The following KDM4C variants were observed in gnomAD, a reference collection of about 807,000 sequenced individuals.
The protein encoded by KDM4C is lysine-specific demethylase 4C.
A neutral mutation model predicts 129.3 loss-of-function variants in KDM4C; 81 were observed. That is an observed-to-expected ratio of 0.63 (90% CI 0.52 to 0.75). KDM4C has a LOEUF of 0.75. KDM4C is among the 30% of genes least tolerant of loss of function. KDM4C has a pLI of 0.00. For synonymous variants in KDM4C, 573 were observed against 456.1 expected, an observed-to-expected ratio of 1.26 and a Z score of -3.26; for missense variants, 1,457 against 1,304.0, an observed-to-expected ratio of 1.12 and a Z score of -1.81.
chr9:7,043,100 TTATC>T (rs1374119423), intron 15 of KDM4C, among the ~76,000 whole-genome samples: 7 of 152,072 alleles, frequency 4.6e-5, no homozygotes, highest in East Asian at 3.9e-4. Context: ...CTGAGTTTCT[TTATC>T]TATTAAGTGA....
chr9:6,853,438 A>G (rs1425551514), intron 5 of KDM4C, among the ~76,000 whole-genome samples: 1 of 152,182 alleles, frequency 6.6e-6, no homozygotes, highest in Non-Finnish European at 1.5e-5. Flanking sequence ...GGCTGCAGTG[A>G]TCCGAGGTGG....
chr9:7,030,169 T>G (rs1225647774), intron 15 of KDM4C, among the ~76,000 whole-genome samples: 2 of 152,224 alleles, frequency 1.3e-5, no homozygotes, highest in African/African-American at 4.8e-5. Flanking sequence ...TCCATTTTGC[T>G]TTAATTAGTT....
intron 18 of KDM4C, among the ~76,000 whole-genome samples, chr9:7,114,082 A>G (rs547067352): frequency 6.6e-6 from 1 of 152,322 alleles, no homozygotes; most frequent in South Asian, 2.1e-4. Context: ...AACTGGTTTA[A>G]TACCAGCAAT....
At chr9:6,738,086 T>G (rs901599601) in intron 1 of KDM4C, among the ~76,000 whole-genome samples, 1 of 150,862 alleles carries the variant, frequency 6.6e-6, no homozygotes. Flanking sequence ...GTGAGGGAGA[T>G]CACACCATTG....
At chr9:6,966,464 C>T (rs567721529) in intron 8 of KDM4C, among the ~76,000 whole-genome samples, 7 of 152,340 alleles carry the variant, frequency 4.6e-5, no homozygotes, top group African/African-American at 7.2e-5. Flanking sequence ...GCCACCGCGC[C>T]GGGCCTCACT....
chr9:6,944,386 C>A (rs965867649), intron 8 of KDM4C, among the ~76,000 whole-genome samples: 17 of 152,194 alleles, frequency 1.1e-4, no homozygotes, highest in African/African-American at 4.1e-4. Flanking sequence ...TGGAATGGCA[C>A]TTCCTTTTAA....
chr9:6,775,598 C>T (rs1057314833), intron 1 of KDM4C, among the ~76,000 whole-genome samples: 6 of 151,988 alleles, frequency 3.9e-5, no homozygotes, highest in African/African-American at 1.4e-4. Context: ...TCTCGGCTCA[C>T]TGCAACCTCC....
chr9:7,108,737 C>T (rs894428938), intron 18 of KDM4C, among the ~76,000 whole-genome samples: 24 of 152,150 alleles, frequency 1.6e-4, no homozygotes, highest in African/African-American at 5.8e-4. Context: ...ATGGAATGGG[C>T]TACCTCTCAT....
chr9:7,128,331 G>C, intron 19 of KDM4C, 95 bp downstream of exon 19: 2 of 902,424 alleles, frequency 2.2e-6, no homozygotes, highest in South Asian at 5.2e-5. Context: ...TTGGCTTTTT[G>C]AGTAGCTCAT....
chr9:7,093,638 C>G (rs1201229472), intron 17 of KDM4C, among the ~76,000 whole-genome samples: 1 of 152,052 alleles, frequency 6.6e-6, no homozygotes, highest in African/African-American at 2.4e-5. Flanking sequence ...GTATGGACCT[C>G]TTGTCAGAAA....
At chr9:6,762,689 G>A (rs1332691209) in intron 1 of KDM4C, among the ~76,000 whole-genome samples, 2 of 142,488 alleles carry the variant, frequency 1.4e-5, no homozygotes, top group East Asian at 4.0e-4. Flanking sequence ...ATGGAGTCTC[G>A]CCCTTGTTGC....
At chr9:7,052,800 T>C (rs1830324998) in intron 17 of KDM4C, among the ~76,000 whole-genome samples, 2 of 150,092 alleles carry the variant, frequency 1.3e-5, no homozygotes, top group African/African-American at 4.9e-5. Flanking sequence ...ACCAGTTTCT[T>C]ATGTTGCTCT....
chr9:6,854,494 C>T (rs1329766424), intron 5 of KDM4C, among the ~76,000 whole-genome samples: 1 of 133,892 alleles, frequency 7.5e-6, no homozygotes, highest in African/African-American at 2.9e-5. Context: ...CATTGCACTC[C>T]AGCCTGGGCA....
chr9:6,954,976 TTC>T (rs1828811736), intron 8 of KDM4C, among the ~76,000 whole-genome samples: 1 of 152,200 alleles, frequency 6.6e-6, no homozygotes, highest in South Asian at 2.1e-4. Context: ...ATCAGGGACT[TTC>T]TGTTGGAAGA....
chr9:6,912,121 C>T (rs1431321673), intron 8 of KDM4C, among the ~76,000 whole-genome samples: 1 of 152,164 alleles, frequency 6.6e-6, no homozygotes, highest in Admixed American at 6.5e-5. Flanking sequence ...CAGGCAGAGC[C>T]AGGGAGGGGC....
At chr9:7,127,420 G>C (rs1840138356) in intron 18 of KDM4C, among the ~76,000 whole-genome samples, 3 of 152,212 alleles carry the variant, frequency 2.0e-5, no homozygotes, top group African/African-American at 7.2e-5. Context: ...TCACCTATTT[G>C]GGATTCTGGC....
At chr9:6,781,500 G>T (rs576373160) in intron 1 of KDM4C, among the ~76,000 whole-genome samples, 1 of 151,974 alleles carries the variant, frequency 6.6e-6, no homozygotes, top group South Asian at 2.1e-4. Flanking sequence ...ATGAATTTTT[G>T]TCATAAGCCA....
chr9:6,790,411 A>T (rs1826324919), intron 1 of KDM4C, among the ~76,000 whole-genome samples: 1 of 141,952 alleles, frequency 7.0e-6, no homozygotes. Flanking sequence ...CACCTGGCTA[A>T]TTTTTTTTTT....
At chr9:7,049,276 C>T (rs1829831657) in intron 17 of KDM4C, 76 bp downstream of exon 17, 1 of 701,474 alleles carries the variant, frequency 1.4e-6, no homozygotes, top group Admixed American at 2.7e-5. Flanking sequence ...TTAATGCACA[C>T]ATTCCCAAGG....
Sources: allele counts gnomAD v4.1 joint callset (sites outside exome capture counted in the v4.1 genomes callset), GRCh38; gene constraint gnomAD v4.1.1; transcripts MANE v1.5; gene names NCBI Gene and HGNC (gene_info 2026-07-23, HGNC 2026-07-21).